AK6: variants seen among roughly 807,000 people sequenced by gnomAD.
The protein encoded by AK6 is adenylate kinase isoenzyme 6.
In AK6, 24 loss-of-function variants were observed where a neutral mutation model predicts 23.7. That is an observed-to-expected ratio of 1.01 (90% confidence interval 0.73 to 1.43). AK6 has a LOEUF of 1.43. Among genes scored for constraint, AK6 ranks in the 40% most tolerant of loss-of-function variants. The pLI, the probability that AK6 is intolerant of heterozygous loss-of-function variation, is 0.00. For synonymous variants in AK6, 73 were observed against 69.8 expected (o/e 1.05, Z -0.23); for missense variants, 191 against 199.1 (o/e 0.96, Z 0.24).
At chr5:69,353,151 AC>A in intron 4 of AK6, among the ~76,000 whole-genome samples, 1 of 152,330 alleles carries the variant, frequency 6.6e-6, no homozygotes, top group Middle Eastern at 3.4e-3. Flanking sequence ...ATAAAAGTCC[AC>A]ATCCTGTATG....
At chr5:69,362,322 C>G (rs138237802) in intron 2 of AK6, among the ~76,000 whole-genome samples, 22 of 152,188 alleles carry the variant, frequency 1.4e-4, no homozygotes, top group African/African-American at 5.1e-4. Flanking sequence ...TGCTATACCC[C>G]CAAAGGGCAA....
intron 4 of AK6, 134 bp downstream of exon 4, chr5:69,355,515 C>T (rs1167361343): frequency 7.3e-6 from 7 of 952,422 alleles, no homozygotes; most frequent in African/African-American, 6.7e-5. Context: ...TGGGTGACAG[C>T]GAGACTCTAT....
intron 2 of AK6, among the ~76,000 whole-genome samples, chr5:69,359,111 C>T (rs1006633): frequency 0.85 from 129,430 of 151,626 alleles, 56,455 homozygotes; most frequent in Non-Finnish European, 0.95. Context: ...CCCAGCATGG[C>T]GGTGCCAGCC....
At position 69,351,987 on chromosome 5, in the gene AK6, T is replaced by C; in HGVS notation, c.*74A>G. The C allele has an allele frequency of 2.3e-6, 3 of 1,319,774 alleles. No individual in the cohort carries two copies. Among genetic ancestry groups the C allele is most frequent in the Non-Finnish European group, 3.1e-6 (3 of 962,756 alleles). The allele number at this position is 1,319,774 out of a possible 1,614,324, so 81.8% of individuals were successfully genotyped here. The stretch of plus-strand genomic sequence containing the variant: ...CAACATGATTTTAATAAAGTGTTAC[T>C]GACACTTGAACAATTTCTATGATGT... On this transcript the variant is annotated 3_prime_UTR_variant, in exon 5 of 5. Transcript: ENST00000380822.
At chr5:69,360,320 C>G (rs1762197177) in intron 2 of AK6, among the ~76,000 whole-genome samples, 1 of 152,108 alleles carries the variant, frequency 6.6e-6, no homozygotes. Context: ...GAGAAACCGT[C>G]AAGATTTAAA....
rs1487449367 is a variant in AK6 at position 69,351,777 on chromosome 5, ATAAACT to A, written c.*278_*283del. The A allele has an allele frequency of 3.6e-6, 1 of 274,408 alleles. No homozygotes were observed. The highest frequency in any genetic ancestry group is 2.2e-5 in the African/African-American group (1 of 45,820). 17.0% of individuals were successfully genotyped at this position (274,408 alleles called of 1,614,324 possible). On this transcript the variant is annotated 3_prime_UTR_variant, in exon 5 of 5. Transcript: ENST00000380822. ...GAGATCATCTGCATTTTTTTCTGTAATAAACTTAAAAGATATCCACCCATTTTGTCA... is the reference window on the plus strand; with the variant it reads ...GAGATCATCTGCATTTTTTTCTGTAATAAAAGATATCCACCCATTTTGTCA...
chr5:69,367,134 T>TA (rs2150741197), intron 1 of AK6, among the ~76,000 whole-genome samples: 1 of 152,268 alleles, frequency 6.6e-6, no homozygotes, highest in East Asian at 1.9e-4. Flanking sequence ...TTACCCAGTG[T>TA]ATTGATTCTC....
intron 2 of AK6, 138 bp downstream of exon 2, chr5:69,366,365 T>C (rs1441801): frequency 1.5e-5 from 10 of 653,132 alleles, no homozygotes; most frequent in African/African-American, 1.3e-4. Context: ...AATATTTCTG[T>C]GGATTCCCTA....
chr5:69,369,562 C>G (rs1349865748), upstream of AK6: 32 of 1,607,404 alleles, frequency 2.0e-5, no homozygotes, highest in Non-Finnish European at 2.5e-5. Flanking sequence ...CCGGAAGGGG[C>G]GGGCGGCAGC....
intron 4 of AK6, among the ~76,000 whole-genome samples, chr5:69,355,125 G>A (rs1257073954): frequency 3.3e-5 from 5 of 152,208 alleles, no homozygotes; most frequent in African/African-American, 7.2e-5. Context: ...CACTGTGCCC[G>A]GCCGACTAAA....
At chr5:69,367,982 T>C (rs1425429701) in intron 1 of AK6, 2 of 152,194 alleles carry the variant, frequency 1.3e-5, no homozygotes, top group East Asian at 1.9e-4. Context: ...CTGGCCAACA[T>C]AATGAGACTC....
In AK6 at chr5:69,369,229, C is replaced by T. The variant is rs17229747; in HGVS notation, c.28+234G>A. On this transcript the variant is annotated intron_variant, in intron 1 of 4. Coordinates refer to ENST00000380822, the MANE Select transcript of AK6 (RefSeq NM_016283.5). ...CTGGATCTGCCGACCTCTCTCCACC[C>T]CCCCCCGCCCCCCCCCGGAGCCTCA... The T allele has an allele frequency of 2.6e-4, 23 of 89,536 alleles. 9 individuals are homozygous for T. Among genetic ancestry groups the T allele is most frequent in the Middle Eastern group, 9.7e-3 (2 of 206 alleles). 5.5% of individuals were successfully genotyped at this position (89,536 alleles called of 1,614,324 possible). A position where few individuals can be genotyped will look rare whatever the true frequency, so the allele number is the denominator to read the frequency against.
chr5:69,359,333 C>T (rs925519386), intron 2 of AK6, among the ~76,000 whole-genome samples: 1 of 152,046 alleles, frequency 6.6e-6, no homozygotes, highest in African/African-American at 2.4e-5. Flanking sequence ...CAACCTCCGT[C>T]TCCTGGGTTC....
At chr5:69,366,817 GGCACA>G in intron 1 of AK6, 1 of 512,686 alleles carries the variant, frequency 2.0e-6, no homozygotes, top group Non-Finnish European at 3.5e-6. Context: ...GGAGTGCAGT[GGCACA>G]ATCTTGGCTC....
intron 2 of AK6, among the ~76,000 whole-genome samples, chr5:69,359,844 T>C (rs763289829): frequency 2.8e-4 from 42 of 152,222 alleles, no homozygotes; most frequent in Admixed American, 7.9e-4. Flanking sequence ...TTTAGAGTGA[T>C]TGGGTGCCTT....
At chr5:69,361,413 G>A (rs1421479916) in intron 2 of AK6, among the ~76,000 whole-genome samples, 2 of 151,326 alleles carry the variant, frequency 1.3e-5, no homozygotes, top group Non-Finnish European at 2.9e-5. Context: ...GAGCCACCGC[G>A]CCCGGCCCAC....
At chr5:69,369,706 C>T, upstream of AK6, 1 of 1,551,958 alleles carries the variant, frequency 6.4e-7, no homozygotes, top group South Asian at 1.2e-5. Context: ...GTGGGCATAA[C>T]TCGGGTCGGT....
At chr5:69,364,216 AAT>A (rs934190508) in intron 2 of AK6, among the ~76,000 whole-genome samples, 7 of 150,408 alleles carry the variant, frequency 4.7e-5, no homozygotes, top group African/African-American at 9.7e-5. Context: ...AATTAAAAAA[AAT>A]ATATATATAT....
At chr5:69,354,460 C>T (rs756666463) in intron 4 of AK6, among the ~76,000 whole-genome samples, 3 of 152,198 alleles carry the variant, frequency 2.0e-5, no homozygotes, top group Non-Finnish European at 4.4e-5. Flanking sequence ...GAAAACCACA[C>T]ATTCTGACCC....
Sources: gnomAD v4.1 joint callset for allele counts (sites outside exome capture counted in the v4.1 genomes callset) on GRCh38, gnomAD v4.1.1 for gene constraint, MANE v1.5 for transcripts, NCBI Gene and HGNC (gene_info 2026-07-23, HGNC 2026-07-21) for gene names.